Variants in ACSBG2 observed in about 807,000 individuals in gnomAD.
The protein encoded by ACSBG2 is acyl-CoA synthetase bubblegum family member 2, also known as long-chain-fatty-acid--CoA ligase ACSBG2.
A neutral mutation model predicts 74.7 loss-of-function variants in ACSBG2; 62 were observed. That is an observed-to-expected ratio of 0.83 (90% CI 0.68 to 1.03). The LOEUF is 1.03. ACSBG2 is among the 50% of genes least tolerant of loss of function. The pLI, the probability that ACSBG2 is intolerant of heterozygous loss-of-function variation, is 0.00. For missense variants in ACSBG2, 730 were observed against 817.6 expected (o/e 0.89, Z 1.31); for synonymous variants, 309 against 294.1 (o/e 1.05, Z -0.52).
chr19:6,160,779 G>A (rs1321707409), intron 5 of ACSBG2: 3 of 158,716 alleles, frequency 1.9e-5, no homozygotes, highest in Non-Finnish European at 2.8e-5. Flanking sequence ...ACCAATAGCA[G>A]CATTTTATAG....
Position 6,156,444 on chromosome 19 carries a change from G to A in ACSBG2, c.400G>A (p.Gly134Ser). 1.3e-6 allele frequency: 2 copies of A among 1,591,688 alleles called. No individual in the cohort carries two copies. Among genetic ancestry groups the A allele is most frequent in the Non-Finnish European group, 8.5e-7 (1 of 1,171,158 alleles). ...TTCTTTTCCCAGGGGTCTTTGTGTT[G>A]GTATTTATGCCACCAACTCTGCCGA... is the stretch of plus-strand genomic sequence containing the variant. ...GAILAGGLCVGIYATNSAEVC... is the reference protein window; with the variant it reads ...GAILAGGLCVSIYATNSAEVC... The change falls in exon 5 of 15, where the codon GGT becomes AGT. Residue 134 changes from glycine (G) to serine (S), a missense_variant. Physicochemically the swap from Gly to Ser is moderately conservative, Grantham distance 56. Coordinates refer to ENST00000588485, the MANE Select transcript of ACSBG2 (RefSeq NM_030924.5).
At chr19:6,189,435 TG>T (rs2090497724) in intron 13 of ACSBG2, among the ~76,000 whole-genome samples, 1 of 152,214 alleles carries the variant, frequency 6.6e-6, no homozygotes, top group Admixed American at 6.5e-5. Flanking sequence ...ACGGTGTGGA[TG>T]GAAGAATCAG....
At chr19:6,152,750 A>G (rs1358221397) in intron 4 of ACSBG2, among the ~76,000 whole-genome samples, 1 of 152,134 alleles carries the variant, frequency 6.6e-6, no homozygotes, top group East Asian at 1.9e-4. Context: ...TGGAAGTGTT[A>G]TTAGTGATGG....
intron 7 of ACSBG2, among the ~76,000 whole-genome samples, 198 bp from the exon 8 acceptor site, chr19:6,177,031 T>G (rs902042549): frequency 6.6e-6 from 1 of 151,914 alleles, no homozygotes; most frequent in Non-Finnish European, 1.5e-5. Context: ...TGTGGTGGTG[T>G]GTGCCTATAG....
Position 6,177,360 on chromosome 19 carries a change from G to A in ACSBG2, c.870G>A (p.Gly290=), listed in dbSNP as rs2090115153. 3 of 1,609,816 alleles carry A rather than the reference G, an allele frequency of 1.9e-6. No individual in the cohort carries two copies. Among genetic ancestry groups the A allele is most frequent in the African/African-American group, 1.3e-5 (1 of 74,560 alleles). Residue 290 remains glycine (G), a synonymous_variant, in exon 8 of 15, where the codon GGG becomes GGA. Coordinates refer to ENST00000588485, the MANE Select transcript of ACSBG2 (RefSeq NM_030924.5). ...ACATCTGGGTACCCATAAAGATTGG[G>A]GCGCTCACATACTTTGCTCAAGCAG... ...MMDIWVPIKI[G]ALTYFAQADA... is the part of the protein sequence containing the mutation.
intron 14 of ACSBG2, among the ~76,000 whole-genome samples, chr19:6,192,437 A>T (rs61349928): frequency 0.02 from 3,088 of 152,266 alleles, 109 homozygotes; most frequent in African/African-American, 0.07. Flanking sequence ...TCCTTTTTTA[A>T]AAATGTAGCT....
intron 2 of ACSBG2, among the ~76,000 whole-genome samples, chr19:6,146,536 C>T (rs950418321): frequency 1.4e-5 from 2 of 146,930 alleles, no homozygotes; most frequent in African/African-American, 2.5e-5. Flanking sequence ...GAGGCCAAGG[C>T]GGGCGGATCA....
At chr19:6,136,743 C>T (rs770025455) in intron 1 of ACSBG2, among the ~76,000 whole-genome samples, 1 of 152,252 alleles carries the variant, frequency 6.6e-6, no homozygotes, top group Middle Eastern at 3.4e-3. Flanking sequence ...TAATGAATAA[C>T]GATAAATATC....
intron 3 of ACSBG2, among the ~76,000 whole-genome samples, chr19:6,148,919 C>A (rs552146789): frequency 6.6e-6 from 1 of 151,494 alleles, no homozygotes; most frequent in Admixed American, 6.6e-5. Context: ...CCAGCCTGGC[C>A]CACATGGTGA....
At chr19:6,153,514 G>A (rs958166120) in intron 4 of ACSBG2, among the ~76,000 whole-genome samples, 29 of 151,878 alleles carry the variant, frequency 1.9e-4, no homozygotes, top group Non-Finnish European at 4.0e-4. Context: ...CAACAGCAAC[G>A]ACAGCAGCAG....
At chr19:6,189,190 C>T (rs1473743821) in intron 13 of ACSBG2, among the ~76,000 whole-genome samples, 2 of 152,146 alleles carry the variant, frequency 1.3e-5, no homozygotes, top group Non-Finnish European at 2.9e-5. Flanking sequence ...CCTCCCTGAC[C>T]ATGCTGGCTA....
chr19:6,183,465 T>C (rs1419245737), intron 10 of ACSBG2, among the ~76,000 whole-genome samples, 193 bp downstream of exon 10: 5 of 152,208 alleles, frequency 3.3e-5, no homozygotes, highest in Non-Finnish European at 7.3e-5. Context: ...AGCCCACAGA[T>C]AAGGGGGATG....
intron 2 of ACSBG2, among the ~76,000 whole-genome samples, chr19:6,146,331 G>A (rs2089029893): frequency 6.6e-6 from 1 of 151,988 alleles, no homozygotes; most frequent in Non-Finnish European, 1.5e-5. Flanking sequence ...TTAGCCAGAT[G>A]TGGTGGCGGG....
At chr19:6,178,605 C>T (rs989500304) in intron 8 of ACSBG2, among the ~76,000 whole-genome samples, 1 of 152,190 alleles carries the variant, frequency 6.6e-6, no homozygotes, top group Non-Finnish European at 1.5e-5. Flanking sequence ...TGGTCTCAAA[C>T]TCCTGACCTC....
chr19:6,183,369 C>A lies in ACSBG2; in HGVS notation c.1322+97C>A, dbSNP rs900252384. Reference sequence around the variant, plus strand: ...ATGGGCCTCTGGGTTAAGAGGAATCCTGACGTGGTGTCTCCAGAATGATCC... The same window carrying A: ...ATGGGCCTCTGGGTTAAGAGGAATCATGACGTGGTGTCTCCAGAATGATCC... On this transcript the variant is annotated intron_variant, in intron 10 of 14. Coordinates refer to ENST00000588485, the MANE Select transcript of ACSBG2 (RefSeq NM_030924.5). 4.9e-5 allele frequency: 49 copies of A among 1,007,454 alleles called. No individual in the cohort carries two copies. The Admixed American group carries it at 5.9e-4, about 12-fold the overall frequency. The allele number at this position is 1,007,454 out of a possible 1,614,324, so 62.4% of individuals were successfully genotyped here.
At chr19:6,139,623 G>A (rs1480590645) in intron 1 of ACSBG2, among the ~76,000 whole-genome samples, 1 of 152,052 alleles carries the variant, frequency 6.6e-6, no homozygotes, top group Non-Finnish European at 1.5e-5. Context: ...TGTCAAGCAC[G>A]CTCTTTATCA....
rs550149252 is a variant in ACSBG2 at position 6,155,425 on chromosome 19, G to C, written c.387-1006G>C. 2.6e-5 allele frequency among the ~76,000 whole-genome samples: 4 copies of C among 152,260 alleles called. No homozygotes were observed. In the South Asian group the frequency reaches 8.3e-4, roughly 32 times the overall value. On this transcript the variant is annotated intron_variant, in intron 4 of 14. Transcript: ENST00000588485. ...TTAGACAGGACACAGAGAGCAAAAA[G>C]CATAAGAGAAAAAGTTGCCAAATAG...
chr19:6,141,669 CT>C (rs2088841095), intron 2 of ACSBG2, 59 bp downstream of exon 2: 2 of 1,126,756 alleles, frequency 1.8e-6, no homozygotes, highest in Non-Finnish European at 2.7e-6. Flanking sequence ...CACAAAGGCT[CT>C]TTGCAGAGGA....
chr19:6,167,987 C>CG (rs1199696491), intron 7 of ACSBG2, among the ~76,000 whole-genome samples: 18 of 150,336 alleles, frequency 1.2e-4, no homozygotes, highest in African/African-American at 3.9e-4. Flanking sequence ...ACCCCCACCC[C>CG]CAGTCTATCC....
Sources: allele counts gnomAD v4.1 joint callset (sites outside exome capture counted in the v4.1 genomes callset), GRCh38; gene constraint gnomAD v4.1.1; transcripts MANE v1.5; gene names NCBI Gene and HGNC (gene_info 2026-07-23, HGNC 2026-07-21).